PRKN: variants seen among roughly 807,000 people sequenced by gnomAD.
PRKN encodes E3 ubiquitin-protein ligase parkin.
In PRKN, 56 loss-of-function variants were observed where a neutral mutation model predicts 59.5. The ratio of observed to expected loss-of-function variants is 0.94; its 90% CI spans 0.76 to 1.18. The LOEUF (loss-of-function observed/expected upper bound fraction) is 1.18. PRKN is among the 50% of genes most tolerant of loss of function. The pLI, the probability that PRKN is intolerant of heterozygous loss-of-function variation, is 0.00. For synonymous variants in PRKN, 250 were observed against 222.1 expected (o/e 1.13, Z -1.12); for missense variants, 657 against 596.4 (o/e 1.10, Z -1.06).
chr6:162,492,785 A>C (rs1378019290), intron 1 of PRKN, among the ~76,000 whole-genome samples: 1 of 151,972 alleles, frequency 6.6e-6, no homozygotes, highest in Non-Finnish European at 1.5e-5. Context: ...CTCTGTCTCT[A>C]CTAAAAAATA....
chr6:161,508,457 C>T (rs1489619573), intron 9 of PRKN, among the ~76,000 whole-genome samples: 1 of 152,164 alleles, frequency 6.6e-6, no homozygotes, highest in Non-Finnish European at 1.5e-5. Context: ...CTCGGAAACG[C>T]TTTTCCTGAG....
intron 7 of PRKN, among the ~76,000 whole-genome samples, chr6:161,656,876 A>C (rs1784369030): frequency 6.6e-6 from 1 of 152,186 alleles, no homozygotes; most frequent in Non-Finnish European, 1.5e-5. Context: ...GTGATATTCT[A>C]AGGAAATCAT....
At chr6:162,226,691 G>A (rs899429160) in intron 3 of PRKN, among the ~76,000 whole-genome samples, 2 of 152,064 alleles carry the variant, frequency 1.3e-5, no homozygotes, top group African/African-American at 4.8e-5. Context: ...CTGCTACCAC[G>A]CCCAGCTATT....
chr6:161,477,374 A>G (rs1791144828), intron 9 of PRKN, among the ~76,000 whole-genome samples: 6 of 152,022 alleles, frequency 3.9e-5, no homozygotes. Flanking sequence ...AAAATTATCC[A>G]GGCGTGGTGG....
At chr6:162,632,755 T>C (rs921389513) in intron 1 of PRKN, among the ~76,000 whole-genome samples, 3 of 152,068 alleles carry the variant, frequency 2.0e-5, no homozygotes, top group African/African-American at 7.2e-5. Flanking sequence ...AAACTTGAAA[T>C]GATACAGAAA....
At chr6:162,223,661 A>ACACACAC (rs11452001) in intron 3 of PRKN, among the ~76,000 whole-genome samples, 635 of 60,776 alleles carry the variant, frequency 0.01, 7 homozygotes, top group African/African-American at 0.042. Flanking sequence ...ACACACACAC[A>ACACACAC]AACATAATGC....
At chr6:162,629,406 G>A (rs1783018052) in intron 1 of PRKN, among the ~76,000 whole-genome samples, 1 of 151,988 alleles carries the variant, frequency 6.6e-6, no homozygotes, top group African/African-American at 2.4e-5. Flanking sequence ...ACTGTAGCAT[G>A]TTTTCCCCAA....
intron 1 of PRKN, among the ~76,000 whole-genome samples, chr6:162,529,802 C>T (rs1778435677): frequency 6.6e-6 from 1 of 152,148 alleles, no homozygotes; most frequent in Non-Finnish European, 1.5e-5. Flanking sequence ...GTTGTTTTGA[C>T]CTAAGGCCAG....
intron 2 of PRKN, among the ~76,000 whole-genome samples, chr6:162,313,244 A>T (rs563724975): frequency 1.3e-5 from 2 of 152,258 alleles, no homozygotes; most frequent in East Asian, 3.9e-4. Flanking sequence ...TATACTCATT[A>T]AAGCATTACA....
intron 4 of PRKN, among the ~76,000 whole-genome samples, chr6:162,076,914 C>A (rs1052467214): frequency 1.3e-5 from 2 of 152,090 alleles, no homozygotes; most frequent in African/African-American, 2.4e-5. Flanking sequence ...TTCAGGGGAA[C>A]AATTTTCTTC....
chr6:162,212,110 A>G (rs549125743), intron 3 of PRKN, among the ~76,000 whole-genome samples: 1 of 152,246 alleles, frequency 6.6e-6, no homozygotes, highest in African/African-American at 2.4e-5. Flanking sequence ...TATCATGAGT[A>G]TCTCAGTCAA....
At chr6:162,279,459 AAGAG>A (rs540956762) in intron 2 of PRKN, among the ~76,000 whole-genome samples, 16 of 151,250 alleles carry the variant, frequency 1.1e-4, no homozygotes, top group African/African-American at 3.4e-4. Context: ...GACAGAAACA[AAGAG>A]AGAAGAGAAG....
intron 3 of PRKN, among the ~76,000 whole-genome samples, chr6:162,239,941 G>C (rs879671252): frequency 3.9e-5 from 6 of 152,114 alleles, no homozygotes; most frequent in Non-Finnish European, 7.4e-5. Flanking sequence ...GTGTTCACAA[G>C]TTATCTTCCT....
intron 6 of PRKN, among the ~76,000 whole-genome samples, chr6:161,925,188 T>C (rs888289437): frequency 6.6e-6 from 1 of 152,200 alleles, no homozygotes; most frequent in African/African-American, 2.4e-5. Context: ...AAAATCCAAA[T>C]ATAAAACAAT....
intron 2 of PRKN, among the ~76,000 whole-genome samples, chr6:162,433,310 A>C (rs995786939): frequency 2.0e-5 from 3 of 152,176 alleles, no homozygotes; most frequent in Admixed American, 6.5e-5. Flanking sequence ...AGCTTAAATG[A>C]CTTGTCCTTC....
At chr6:161,384,886 C>T (rs985328265) in intron 10 of PRKN, among the ~76,000 whole-genome samples, 4 of 152,224 alleles carry the variant, frequency 2.6e-5, no homozygotes, top group African/African-American at 9.6e-5. Flanking sequence ...AAATCTCCCC[C>T]CATGGCTCCC....
At position 161,911,891 on chromosome 6, in the gene PRKN, C is replaced by T. The variant is rs142313972; in HGVS notation, c.734+61411G>A. ...AAGAAAGCATCAAAAGTATAAGAAA[C>T]GATGGGCCAGGCATGGTAGCTCATG... On this transcript the variant is annotated intron_variant, in intron 6 of 11. Transcript: ENST00000366898. Among the ~76,000 whole-genome samples, 109 of 152,104 alleles carry T rather than the reference C, an allele frequency of 7.2e-4. 1 individual carries two copies. Among genetic ancestry groups the T allele is most frequent in the African/African-American group, 2.4e-3 (99 of 41,504 alleles).
chr6:161,961,760 G>A (rs1488775361), intron 6 of PRKN, among the ~76,000 whole-genome samples: 1 of 152,194 alleles, frequency 6.6e-6, no homozygotes, highest in Non-Finnish European at 1.5e-5. Flanking sequence ...GATGAACTCA[G>A]TAAATATCTG....
chr6:161,771,386 AT>A (rs373982591), intron 7 of PRKN, among the ~76,000 whole-genome samples: 2,029 of 143,012 alleles, frequency 0.014, 138 homozygotes, highest in African/African-American at 0.026. Flanking sequence ...ATAAAATAAA[AT>A]AAAATAAAAT....
Sources: allele counts gnomAD v4.1 joint callset (sites outside exome capture counted in the v4.1 genomes callset), GRCh38; gene constraint gnomAD v4.1.1; transcripts MANE v1.5; gene names NCBI Gene and HGNC (gene_info 2026-07-23, HGNC 2026-07-21).